CACNA2D1: variants seen among roughly 807,000 people sequenced by gnomAD.
The protein encoded by CACNA2D1 is calcium voltage-gated channel auxiliary subunit alpha2delta 1.
In CACNA2D1, 53 loss-of-function variants were observed where a neutral mutation model predicts 171.5. The observed-to-expected ratio is 0.31, with a 90% CI of 0.25 to 0.39. The LOEUF (loss-of-function observed/expected upper bound fraction) is 0.39, where lower values mean the gene tolerates loss of function less well. CACNA2D1 is among the 10% of genes least tolerant of loss of function. CACNA2D1 has a pLI of 1.00. For missense variants in CACNA2D1, 903 were observed against 1,299.8 expected, an observed-to-expected ratio of 0.69 and a Z score of 4.69; for synonymous variants, 442 against 443.1, an observed-to-expected ratio of 1.00 and a Z score of 0.03.
At chr7:82,201,555 T>G (rs1313726037) in intron 3 of CACNA2D1, among the ~76,000 whole-genome samples, 3 of 152,140 alleles carry the variant, frequency 2.0e-5, no homozygotes, top group Admixed American at 2.0e-4. Flanking sequence ...ATTATTCAGG[T>G]CCCCTTTACA....
chr7:82,026,347 T>A (rs1692672901), intron 12 of CACNA2D1, among the ~76,000 whole-genome samples: 1 of 151,704 alleles, frequency 6.6e-6, no homozygotes, highest in African/African-American at 2.4e-5. Context: ...ATTTTTCTTT[T>A]GTATTTTCTT....
chr7:82,235,917 C>T (rs530012393), intron 3 of CACNA2D1, among the ~76,000 whole-genome samples: 133 of 152,216 alleles, frequency 8.7e-4, no homozygotes, highest in Admixed American at 1.5e-3. Flanking sequence ...TTCCATGACT[C>T]ATTCCCCTCA....
At chr7:81,995,277 T>C (rs890426845) in intron 19 of CACNA2D1, among the ~76,000 whole-genome samples, 5 of 152,204 alleles carry the variant, frequency 3.3e-5, no homozygotes, top group African/African-American at 1.2e-4. Context: ...GAAATGTATA[T>C]GTACAGAATT....
intron 3 of CACNA2D1, among the ~76,000 whole-genome samples, chr7:82,175,807 A>G (rs1028872967): frequency 6.6e-6 from 1 of 152,044 alleles, no homozygotes; most frequent in African/African-American, 2.4e-5. Context: ...CTACATATCT[A>G]GCATAATACA....
Position 81,974,480 on chromosome 7 carries a change from A to C in CACNA2D1, c.2028T>G (p.Asp676Glu). 6.4e-7 allele frequency: 1 copy of C among 1,563,162 alleles called. No homozygotes were observed. The highest frequency in any genetic ancestry group is 1.1e-5 in the South Asian group (1 of 89,682). ...ATGATGGGTTGTTTGGAGTTTTTCTATCAATAAACTCGTTGAAATTTAAAA... is the reference window on the plus strand; with the variant it reads ...ATGATGGGTTGTTTGGAGTTTTTCTCTCAATAAACTCGTTGAAATTTAAAA... ...EFLLNFNEFI[D>E]RKTPNNPSCN... The change falls in exon 25 of 39, where the codon GAT (aspartate) becomes GAG (glutamate). Residue 676 changes from aspartate (D) to glutamate (E), a missense_variant. Physicochemically the swap from Asp to Glu is conservative, Grantham distance 45. Transcript: ENST00000356860.
chr7:82,359,518 A>G (rs1334627721), intron 1 of CACNA2D1, among the ~76,000 whole-genome samples: 1 of 152,140 alleles, frequency 6.6e-6, no homozygotes, highest in East Asian at 1.9e-4. Context: ...CTGTTTTACA[A>G]ATATGTCAGC....
At chr7:82,022,222 A>AACACACACACACAC (rs71520795) in intron 12 of CACNA2D1, among the ~76,000 whole-genome samples, 25 of 145,874 alleles carry the variant, frequency 1.7e-4, no homozygotes, top group Non-Finnish European at 2.3e-4. Flanking sequence ...CAGAGACAAG[A>AACACACACACACAC]ACACACACAC....
intron 3 of CACNA2D1, among the ~76,000 whole-genome samples, chr7:82,255,384 T>C (rs539889197): frequency 5.1e-4 from 77 of 152,312 alleles, no homozygotes; most frequent in African/African-American, 1.8e-3. Context: ...CTTTGACGTA[T>C]GTATCCCCAG....
chr7:82,173,999 T>C (rs1374035384), intron 3 of CACNA2D1, among the ~76,000 whole-genome samples: 5 of 126,918 alleles, frequency 3.9e-5, no homozygotes, highest in African/African-American at 6.3e-5. Context: ...TCTATGATGG[T>C]ACCACTGCAC....
At chr7:82,352,548 A>G (rs1819971243) in intron 1 of CACNA2D1, among the ~76,000 whole-genome samples, 1 of 152,244 alleles carries the variant, frequency 6.6e-6, no homozygotes, top group Non-Finnish European at 1.5e-5. Flanking sequence ...AATCCATTCA[A>G]CAAGTACTAG....
intron 3 of CACNA2D1, among the ~76,000 whole-genome samples, chr7:82,289,802 G>GCC: frequency 6.6e-6 from 1 of 152,236 alleles, no homozygotes; most frequent in African/African-American, 2.4e-5. Flanking sequence ...GTAGTTGGCA[G>GCC]AGTGCTTGGC....
intron 3 of CACNA2D1, among the ~76,000 whole-genome samples, chr7:82,308,819 T>C (rs993769677): frequency 4.6e-5 from 7 of 152,240 alleles, no homozygotes; most frequent in Non-Finnish European, 8.8e-5. Flanking sequence ...ACAAGTTCTC[T>C]GTCTTTGAGA....
At chr7:82,324,387 G>GT (rs1312850479) in intron 3 of CACNA2D1, among the ~76,000 whole-genome samples, 63 of 89,258 alleles carry the variant, frequency 7.1e-4, no homozygotes, top group African/African-American at 2.0e-3. Flanking sequence ...GGAAGGAGTT[G>GT]TTTTAAAAAA....
At chr7:82,435,975 C>T (rs1830087404) in intron 1 of CACNA2D1, among the ~76,000 whole-genome samples, 2 of 152,132 alleles carry the variant, frequency 1.3e-5, no homozygotes, top group African/African-American at 2.4e-5. Flanking sequence ...TTCTTTAGAC[C>T]ATGCCCCTTC....
intron 1 of CACNA2D1, among the ~76,000 whole-genome samples, chr7:82,352,176 A>G (rs1157870807): frequency 1.3e-5 from 2 of 152,196 alleles, no homozygotes; most frequent in African/African-American, 2.4e-5. Context: ...ACTTTATAGG[A>G]GCAAGGATTA....
intron 4 of CACNA2D1, among the ~76,000 whole-genome samples, chr7:82,166,639 T>C (rs1408204591): frequency 6.6e-6 from 1 of 152,062 alleles, no homozygotes; most frequent in East Asian, 1.9e-4. Context: ...AAGCTCTTTT[T>C]TGCTTCTCCC....
chr7:82,155,136 C>T (rs945799992), intron 4 of CACNA2D1, among the ~76,000 whole-genome samples: 1 of 152,088 alleles, frequency 6.6e-6, no homozygotes, highest in East Asian at 1.9e-4. Context: ...AGTAACTTTC[C>T]AGAGGTCTCC....
At chr7:82,443,039 T>TA (rs1447393508) in intron 1 of CACNA2D1, among the ~76,000 whole-genome samples, 1 of 152,202 alleles carries the variant, frequency 6.6e-6, no homozygotes, top group Non-Finnish European at 1.5e-5. Flanking sequence ...TGGAAACTTT[T>TA]TTCCCCAGTA....
At chr7:82,256,529 T>C (rs1806330105) in intron 3 of CACNA2D1, among the ~76,000 whole-genome samples, 1 of 152,206 alleles carries the variant, frequency 6.6e-6, no homozygotes, top group South Asian at 2.1e-4. Context: ...AATCATTGCA[T>C]GCCTACATGG....
Sources: allele counts gnomAD v4.1 joint callset (sites outside exome capture counted in the v4.1 genomes callset), GRCh38; gene constraint gnomAD v4.1.1; transcripts MANE v1.5; gene names NCBI Gene and HGNC (gene_info 2026-07-23, HGNC 2026-07-21).